The following NDRG1 variants were observed in gnomAD, a reference collection of about 807,000 sequenced individuals.
NDRG1 encodes the protein N-myc downstream regulated 1.
A neutral mutation model predicts 56.9 loss-of-function variants in NDRG1; 32 were observed. That is an observed-to-expected ratio of 0.56 (90% confidence interval 0.42 to 0.76). NDRG1 has a LOEUF of 0.76. NDRG1 is among the 30% of genes least tolerant of loss of function. The pLI is 0.00. For synonymous variants in NDRG1, 211 were observed against 204.1 expected, an observed-to-expected ratio of 1.03 and a Z score of -0.29; for missense variants, 507 against 545.7, an observed-to-expected ratio of 0.93 and a Z score of 0.71.
At chr8:133,282,777 T>C (rs193140936) in intron 2 of NDRG1, among the ~76,000 whole-genome samples, 10 of 152,368 alleles carry the variant, frequency 6.6e-5, no homozygotes, top group African/African-American at 2.2e-4. Flanking sequence ...ACAGAGGTCA[T>C]GTGGCCTTCA....
intron 1 of NDRG1, among the ~76,000 whole-genome samples, chr8:133,290,366 TG>T (rs1368882078): frequency 1.3e-5 from 2 of 152,138 alleles, no homozygotes; most frequent in African/African-American, 4.8e-5. Context: ...TGGCACTAAC[TG>T]GACTCTAAAC....
intron 1 of NDRG1, among the ~76,000 whole-genome samples, chr8:133,293,871 A>C (rs1310859547): frequency 2.0e-5 from 3 of 152,222 alleles, no homozygotes; most frequent in African/African-American, 7.2e-5. Flanking sequence ...CTTAGCAAAA[A>C]GCAATACCTA....
chr8:133,269,792 G>T (rs1470062283), intron 3 of NDRG1, among the ~76,000 whole-genome samples: 1 of 152,212 alleles, frequency 6.6e-6, no homozygotes, highest in African/African-American at 2.4e-5. Flanking sequence ...CAAAACACTC[G>T]TACCTCCCCA....
intron 2 of NDRG1, among the ~76,000 whole-genome samples, chr8:133,281,528 G>C (rs751977297): frequency 6.6e-6 from 1 of 152,118 alleles, no homozygotes; most frequent in Non-Finnish European, 1.5e-5. Flanking sequence ...ATTTCTAAGA[G>C]ATGTTGCTGG....
At chr8:133,256,290 T>C (rs534062205) in intron 8 of NDRG1, 2 of 163,320 alleles carry the variant, frequency 1.2e-5, no homozygotes, top group African/African-American at 2.4e-5. Context: ...AAACTCTCAA[T>C]CTACGTTAGC....
At chr8:133,275,152 C>T (rs1857390291) in intron 3 of NDRG1, among the ~76,000 whole-genome samples, 1 of 152,200 alleles carries the variant, frequency 6.6e-6, no homozygotes, top group Non-Finnish European at 1.5e-5. Context: ...CACTGCACTG[C>T]ATCTTCTGAA....
intron 1 of NDRG1, among the ~76,000 whole-genome samples, chr8:133,294,559 G>A (rs991940516): frequency 2.8e-4 from 42 of 152,226 alleles, no homozygotes; most frequent in African/African-American, 9.4e-4. Flanking sequence ...TGGGCCACCC[G>A]AAAAACACAA....
chr8:133,280,397 T>G (rs1857724328), intron 2 of NDRG1, 130 bp from the exon 3 acceptor site: 1 of 815,974 alleles, frequency 1.2e-6, no homozygotes, highest in Admixed American at 2.4e-5. Flanking sequence ...TCTCCTTAAT[T>G]CCTCACAAAG....
Position 133,284,241 on chromosome 8 carries a change from C to T in NDRG1, c.63+8G>A, listed in dbSNP as rs907196948. On this transcript the variant is annotated splice_region_variant and intron_variant, in intron 2 of 15. Coordinates refer to ENST00000323851, the MANE Select transcript of NDRG1 (RefSeq NM_006096.4). ...TGTGATGGGGTAGCCAGGAAGATCT[C>T]CACTCACCTCCCCTTTCTCCACCAA... The T allele has an allele frequency of 1.2e-6, 2 of 1,613,824 alleles. No homozygotes were observed. The highest frequency in any genetic ancestry group is 1.7e-5 in the Admixed American group (1 of 60,018).
intron 1 of NDRG1, among the ~76,000 whole-genome samples, chr8:133,287,453 C>T (rs1322823692): frequency 2.0e-5 from 3 of 152,252 alleles, no homozygotes; most frequent in African/African-American, 7.2e-5. Flanking sequence ...GGCTATGGGA[C>T]TCATCTGGGG....
intron 6 of NDRG1, 63 bp downstream of exon 6, chr8:133,259,105 C>A (rs1856532069): frequency 1.3e-6 from 2 of 1,553,108 alleles, no homozygotes; most frequent in Admixed American, 1.7e-5. Context: ...AGCCAAGGGG[C>A]AGGAAGATGC....
intron 3 of NDRG1, among the ~76,000 whole-genome samples, chr8:133,274,961 G>A (rs1164332316): frequency 3.3e-5 from 5 of 152,204 alleles, no homozygotes; most frequent in Admixed American, 3.3e-4. Context: ...AGAGGACACT[G>A]AAGTGCATGG....
At chr8:133,292,189 G>C (rs1330002238) in intron 1 of NDRG1, among the ~76,000 whole-genome samples, 1 of 152,178 alleles carries the variant, frequency 6.6e-6, no homozygotes, top group East Asian at 1.9e-4. Flanking sequence ...TGGATGGTCT[G>C]AGATAATTTG....
chr8:133,295,045 T>C (rs1360894235), intron 1 of NDRG1, among the ~76,000 whole-genome samples: 1 of 152,228 alleles, frequency 6.6e-6, no homozygotes, highest in Non-Finnish European at 1.5e-5. Flanking sequence ...AGGTCCTGTG[T>C]GAGTTTTTTA....
intron 15 of NDRG1, chr8:133,241,751 C>T: frequency 1.8e-6 from 1 of 557,096 alleles, no homozygotes; most frequent in Non-Finnish European, 3.2e-6. Context: ...TGTCTTGGTG[C>T]TTAAAGGGAC....
intron 3 of NDRG1, among the ~76,000 whole-genome samples, chr8:133,267,363 GGCCCAGCCCCCTGGGAGCAC>G (rs1377555916): frequency 1.3e-5 from 2 of 152,162 alleles, no homozygotes; most frequent in Non-Finnish European, 2.9e-5. Context: ...TACAGGGCCA[GGCCCAGCCCCCTGGGAGCAC>G]CCGGGCCCGC....
intron 1 of NDRG1, among the ~76,000 whole-genome samples, chr8:133,291,775 G>A (rs1379908567): frequency 6.6e-6 from 1 of 152,104 alleles, no homozygotes; most frequent in Non-Finnish European, 1.5e-5. Flanking sequence ...GATATTCAAG[G>A]AATGAAAAAG....
At chr8:133,277,003 A>T (rs1407567164) in intron 3 of NDRG1, among the ~76,000 whole-genome samples, 1 of 152,234 alleles carries the variant, frequency 6.6e-6, no homozygotes, top group East Asian at 1.9e-4. Context: ...CAGCCTTAAA[A>T]AGGAAGGAAA....
intron 3 of NDRG1, among the ~76,000 whole-genome samples, chr8:133,270,338 AG>A: frequency 6.6e-6 from 1 of 152,344 alleles, no homozygotes; most frequent in South Asian, 2.1e-4. Flanking sequence ...AAACTATGGC[AG>A]ACTCTGTTGG....
Sources: allele counts gnomAD v4.1 joint callset (sites outside exome capture counted in the v4.1 genomes callset), GRCh38; gene constraint gnomAD v4.1.1; transcripts MANE v1.5; gene names NCBI Gene and HGNC (gene_info 2026-07-23, HGNC 2026-07-21).